ALOX15: variants seen among roughly 807,000 people sequenced by gnomAD.
ALOX15 encodes the protein polyunsaturated fatty acid lipoxygenase ALOX15.
In ALOX15, 68 loss-of-function variants were observed where a neutral mutation model predicts 71.7. The ratio of observed to expected loss-of-function variants is 0.95; its 90% CI spans 0.78 to 1.16. The LOEUF (loss-of-function observed/expected upper bound fraction) is 1.16, where lower values mean the gene tolerates loss of function less well. ALOX15 is among the 50% of genes most tolerant of loss of function. The probability of loss-of-function intolerance (pLI) is 0.00; values close to 1 mark genes in which losing one functional copy is unlikely to be tolerated. For missense variants in ALOX15, 798 were observed against 818.8 expected (o/e 0.97, Z 0.31); for synonymous variants, 346 against 333.3 (o/e 1.04, Z -0.42).
chr17:4,633,352 C>T (rs1160467429), intron 9 of ALOX15, 37 bp from the exon 10 acceptor site: 7 of 1,611,334 alleles, frequency 4.3e-6, no homozygotes, highest in Non-Finnish European at 5.9e-6. Context: ...GGCGAATCGA[C>T]CTGCCCTGAA....
intron 1 of ALOX15, 78 bp from the exon 2 acceptor site, chr17:4,639,709 G>A: frequency 1.4e-6 from 2 of 1,399,752 alleles, no homozygotes; most frequent in Non-Finnish European, 2.0e-6. Flanking sequence ...TCCCTCCAGC[G>A]CCCACGCCCT....
At chr17:4,640,671 G>A (rs1258316920) in intron 1 of ALOX15, among the ~76,000 whole-genome samples, 2 of 148,618 alleles carry the variant, frequency 1.3e-5, no homozygotes, top group Non-Finnish European at 3.0e-5. Flanking sequence ...TTTCTCGGAA[G>A]CTCGGAGCAA....
At position 4,641,631 on chromosome 17, in the gene ALOX15, G is replaced by A; in HGVS notation, c.21C>T (p.Arg7=). MGLYRI[R]VSTGASLYAG... is the part of the protein sequence containing the mutation. Reference sequence around the variant, plus strand: ...CATAGAGCGAGGCCCCAGTGGACACGCGGATGCGGTAGAGACCCATCTTGC... The same window carrying A: ...CATAGAGCGAGGCCCCAGTGGACACACGGATGCGGTAGAGACCCATCTTGC... The change falls in exon 1 of 14, where the codon CGC becomes CGT. Residue 7 remains arginine (R), a synonymous_variant. Transcript: ENST00000293761. 1.9e-6 allele frequency: 3 copies of A among 1,613,844 alleles called. No homozygotes were observed. Among genetic ancestry groups the A allele is most frequent in the Non-Finnish European group, 2.5e-6 (3 of 1,180,032 alleles).
In ALOX15 at chr17:4,637,778, T is replaced by C. The variant is rs370285917; in HGVS notation, c.807+439A>G. Among the ~76,000 whole-genome samples the C allele has an allele frequency of 2.0e-3, 306 of 151,102 alleles. 2 individuals carry two copies. Among genetic ancestry groups the C allele is most frequent in the African/African-American group, 7.1e-3 (290 of 41,072 alleles). ...AAGAGGAAACAGATAATCAGAGAGG[T>C]TGGGTATTTTGCCTGAGGTCACACA... On this transcript the variant is annotated intron_variant, in intron 6 of 13. Transcript: ENST00000293761.
At chr17:4,639,162 G>A (rs2150538107) in intron 2 of ALOX15, 30 bp from the exon 3 acceptor site, 2 of 1,612,722 alleles carry the variant, frequency 1.2e-6, no homozygotes, top group East Asian at 4.5e-5. Context: ...CTTGGCCAGT[G>A]ACTTTTGGTG....
At position 4,635,909 on chromosome 17, in the gene ALOX15, T is replaced by G. The variant is rs560761447; in HGVS notation, c.1011A>C (p.Pro337=). Residue 337 remains proline, a synonymous_variant, in exon 8 of 14, where the codon CCA becomes CCC. Transcript: ENST00000293761. ...AGCATTTGGCCAGAAGCCAGGCCAT[T>G]GGGGGATCCGTAGGCAAGAAAAGGG... ...PPPLFLPTDP[P]MAWLLAKCWV... The G allele has an allele frequency of 3.1e-6, 5 of 1,614,144 alleles. No homozygotes were observed. Among genetic ancestry groups the G allele is most frequent in the Middle Eastern group, 1.7e-4 (1 of 6,042 alleles).
Position 4,633,311 on chromosome 17 carries a change from A to G in ALOX15, c.1253T>C (p.Met418Thr). The change falls in exon 10 of 14, where the codon ATG becomes ACG. Residue 418 changes from methionine to threonine, a missense_variant. By Grantham distance (81) the Met-to-Thr change is moderately conservative. This residue lies in a region of ALOX15 where 490 missense variants were observed against 509.4 expected (regional missense o/e 0.96). Transcript: ENST00000293761. ...VSDMGIFDQI[M>T]STGGGGHVQL... is the part of the protein sequence containing the mutation. Reference sequence around the variant, plus strand: ...CACGTGGCCTCCCCCACCAGTGCTCATTATCTGAGAAGTGAGGGTGAGCAG... The same window carrying G: ...CACGTGGCCTCCCCCACCAGTGCTCGTTATCTGAGAAGTGAGGGTGAGCAG... 1.2e-6 allele frequency: 2 copies of G among 1,613,436 alleles called. No individual in the cohort carries two copies. Among genetic ancestry groups the G allele is most frequent in the East Asian group, 2.2e-5 (1 of 44,868 alleles).
chr17:4,634,124 C>G (rs373280662), intron 8 of ALOX15, among the ~76,000 whole-genome samples: 9 of 152,246 alleles, frequency 5.9e-5, no homozygotes, highest in African/African-American at 2.2e-4. Context: ...ACACCAAGCC[C>G]CATGACACAC....
chr17:4,631,783 G>A lies in ALOX15; in HGVS notation c.1810-4C>T. 13 of 1,613,918 alleles carry A rather than the reference G, an allele frequency of 8.1e-6. No individual in the cohort carries two copies. Among genetic ancestry groups the A allele is most frequent in the Non-Finnish European group, 7.6e-6 (9 of 1,179,936 alleles). On this transcript the variant is annotated splice_polypyrimidine_tract_variant and splice_region_variant and intron_variant, in intron 13 of 13. Coordinates refer to ENST00000293761, the MANE Select transcript of ALOX15 (RefSeq NM_001140.5). ...CCTCATGCTGGCCCACAGCCACCTG[G>A]GAGGGAGAGGAAAAGGTGGCTGAGA...
chr17:4,632,197 G>A lies in ALOX15; in HGVS notation c.1625C>T (p.Ser542Phe), dbSNP rs962046079. 3.1e-6 allele frequency: 5 copies of A among 1,614,246 alleles called. No homozygotes were observed. The East Asian group carries it at 1.1e-4, about 36-fold the overall frequency. The change falls in exon 12 of 14, where the codon TCT (serine) becomes TTT (phenylalanine). Residue 542 changes from serine to phenylalanine, a missense_variant. Physicochemically the swap from Ser to Phe is radical, Grantham distance 155. This residue lies in a region of ALOX15 where 490 missense variants were observed against 509.4 expected (regional missense o/e 0.96). Transcript: ENST00000293761. ...GGTAAGTACCTGGCCCAGGTGCACA[G>A]AGGCGTGTTGGCCGGTGCAGGTGAA... ...CIFTCTGQHA[S>F]VHLGQLDWYS...
In ALOX15 at chr17:4,632,269, G is replaced by C. The variant is rs1910938000; in HGVS notation, c.1553C>G (p.Ser518Cys). The part of the protein sequence containing the change: ...QGAQDRGFPV[S>C]LQARDQVCHF... Reference sequence around the variant, plus strand: ...GCAAACCTGGTCCCGAGCCTGTAAAGAGACAGGAAACCCTGCAAGGGGTGA... The same window carrying C: ...GCAAACCTGGTCCCGAGCCTGTAAACAGACAGGAAACCCTGCAAGGGGTGA... Residue 518 changes from serine (S) to cysteine (C), a missense_variant, in exon 12 of 14, where the codon TCT becomes TGT. This residue lies in a region of ALOX15 where 490 missense variants were observed against 509.4 expected (regional missense o/e 0.96). Coordinates refer to ENST00000293761, the MANE Select transcript of ALOX15 (RefSeq NM_001140.5). The C allele has an allele frequency of 6.2e-7, 1 of 1,614,060 alleles. No homozygotes were observed. The highest frequency in any genetic ancestry group is 1.3e-5 in the African/African-American group (1 of 74,942).
At chr17:4,640,695 G>A (rs1478586109) in intron 1 of ALOX15, among the ~76,000 whole-genome samples, 771 of 145,004 alleles carry the variant, frequency 5.3e-3, no homozygotes, top group South Asian at 0.03. Context: ...CGTGGAGTGC[G>A]GGGAGCAGGG....
chr17:4,633,125 T>G, intron 10 of ALOX15, 21 bp downstream of exon 10: 1 of 1,611,466 alleles, frequency 6.2e-7, no homozygotes, highest in African/African-American at 1.3e-5. Flanking sequence ...GCACCCCCAC[T>G]GGCCTTCCCG....
chr17:4,633,727 C>A (rs927889884), intron 8 of ALOX15, among the ~76,000 whole-genome samples: 1 of 152,194 alleles, frequency 6.6e-6, no homozygotes, highest in Non-Finnish European at 1.5e-5. Context: ...AACACACATG[C>A]TCACGGATGT....
At chr17:4,632,453 G>T (rs11568127) in intron 11 of ALOX15, among the ~76,000 whole-genome samples, 172 bp from the exon 12 acceptor site, 3 of 152,150 alleles carry the variant, frequency 2.0e-5, no homozygotes, top group Non-Finnish European at 2.9e-5. Flanking sequence ...GAGCTCTGCC[G>T]GGAGGGTCCC....
chr17:4,639,739 G>A, intron 1 of ALOX15, 108 bp from the exon 2 acceptor site: 1 of 1,132,144 alleles, frequency 8.8e-7, no homozygotes, highest in Non-Finnish European at 1.2e-6. Context: ...CCTCTGAGAG[G>A]AGGAGACGTA....
At position 4,633,441 on chromosome 17, in the gene ALOX15, C is replaced by T. The variant is rs1910986828; in HGVS notation, c.1221G>A (p.Leu407=). Reference sequence around the variant, plus strand: ...GGTCGAAAATTCCCATGTCAGAGACCAGCCCAGTCCTGGCCCGGACGTTAA... The same window carrying T: ...GGTCGAAAATTCCCATGTCAGAGACTAGCCCAGTCCTGGCCCGGACGTTAA... The part of the protein sequence containing the change: ...LEINVRARTG[L]VSDMGIFDQI... Residue 407 remains leucine, a synonymous_variant, in exon 9 of 14, where the codon CTG becomes CTA. Coordinates refer to ENST00000293761, the MANE Select transcript of ALOX15 (RefSeq NM_001140.5). 6.2e-7 allele frequency: 1 copy of T among 1,613,986 alleles called. No homozygotes were observed. The highest frequency in any genetic ancestry group is 8.5e-7 in the Non-Finnish European group (1 of 1,180,026).
chr17:4,632,716 G>T, intron 11 of ALOX15, 145 bp downstream of exon 11: 1 of 1,341,644 alleles, frequency 7.5e-7, no homozygotes, highest in South Asian at 1.4e-5. Context: ...CTGTCTCTAG[G>T]TGACAGGGAG....
Position 4,632,245 on chromosome 17 carries a change from C to T in ALOX15, c.1577G>A (p.Cys526Tyr). The change falls in exon 12 of 14, where the codon TGC (cysteine) becomes TAC (tyrosine). Residue 526 changes from cysteine (C) to tyrosine (Y), a missense_variant. Physicochemically the swap from Cys to Tyr is radical, Grantham distance 194. Around this residue, in one of 3 missense-constraint regions of ALOX15, gnomAD observed 490 missense variants for 509.4 expected, o/e 0.96. Transcript: ENST00000293761. The part of the protein sequence containing the change: ...PVSLQARDQV[C>Y]HFVTMCIFTC... ...GAAGATACACATGGTGACAAAGTGG[C>T]AAACCTGGTCCCGAGCCTGTAAAGA... 6.2e-7 allele frequency: 1 copy of T among 1,614,192 alleles called. No individual in the cohort carries two copies. Among genetic ancestry groups the T allele is most frequent in the African/African-American group, 1.3e-5 (1 of 75,044 alleles).
Sources: allele counts gnomAD v4.1 joint callset (sites outside exome capture counted in the v4.1 genomes callset), GRCh38; gene constraint gnomAD v4.1.1; regional missense constraint gnomAD v4.1.1; transcripts MANE v1.5; gene names NCBI Gene and HGNC (gene_info 2026-07-23, HGNC 2026-07-21).